LSM14A: variants seen among roughly 807,000 people sequenced by gnomAD.
LSM14A encodes protein LSM14 homolog A.
A neutral mutation model predicts 52.4 loss-of-function variants in LSM14A; 14 were observed. The ratio of observed to expected loss-of-function variants is 0.27; its 90% CI spans 0.18 to 0.42. The LOEUF (loss-of-function observed/expected upper bound fraction) is 0.42, where lower values mean the gene tolerates loss of function less well. Among genes scored for constraint, LSM14A ranks in the 10% least tolerant of loss-of-function variants. The pLI, the probability that LSM14A is intolerant of heterozygous loss-of-function variation, is 1.00. For synonymous variants in LSM14A, 185 were observed against 200.3 expected, an observed-to-expected ratio of 0.92 and a Z score of 0.64; for missense variants, 417 against 581.8, an observed-to-expected ratio of 0.72 and a Z score of 2.91.
intron 3 of LSM14A, among the ~76,000 whole-genome samples, chr19:34,198,925 T>C (rs1312029313): frequency 6.6e-6 from 1 of 151,660 alleles, no homozygotes; most frequent in Admixed American, 6.6e-5. Context: ...AGGCGGAGCT[T>C]GCGGTGAGCC....
intron 1 of LSM14A, among the ~76,000 whole-genome samples, chr19:34,177,660 G>A (rs554344601): frequency 1.2e-4 from 19 of 152,212 alleles, no homozygotes; most frequent in East Asian, 5.8e-4. Context: ...GGTCAAGGCC[G>A]GGGTATTGCT....
At chr19:34,211,603 G>A (rs768286729) in intron 4 of LSM14A, among the ~76,000 whole-genome samples, 4 of 152,030 alleles carry the variant, frequency 2.6e-5, no homozygotes, top group Admixed American at 2.0e-4. Flanking sequence ...CCTGAGCAAC[G>A]TAGTGAAACT....
At chr19:34,209,807 G>A (rs1031270998) in intron 4 of LSM14A, among the ~76,000 whole-genome samples, 3 of 151,298 alleles carry the variant, frequency 2.0e-5, no homozygotes, top group Non-Finnish European at 4.4e-5. Context: ...CAAAGTGTTG[G>A]GATGTTGGGA....
chr19:34,199,049 G>A (rs2071092397), intron 3 of LSM14A, among the ~76,000 whole-genome samples: 2 of 152,140 alleles, frequency 1.3e-5, no homozygotes, highest in Non-Finnish European at 2.9e-5. Flanking sequence ...TACACTCTTA[G>A]TAGGATATAT....
At chr19:34,196,592 GT>G in intron 2 of LSM14A, 41 bp from the exon 3 acceptor site, 1 of 1,533,946 alleles carries the variant, frequency 6.5e-7, no homozygotes, top group Non-Finnish European at 8.7e-7. Context: ...TTATATACAT[GT>G]TGCTTAGAGC....
intron 4 of LSM14A, among the ~76,000 whole-genome samples, chr19:34,214,899 A>G (rs1269635154): frequency 6.6e-6 from 1 of 151,488 alleles, no homozygotes; most frequent in South Asian, 2.1e-4. Flanking sequence ...GTTGTTTTGA[A>G]GCTGTTGAAG....
At chr19:34,186,323 A>C (rs2069906030) in intron 1 of LSM14A, among the ~76,000 whole-genome samples, 3 of 152,186 alleles carry the variant, frequency 2.0e-5, no homozygotes, top group South Asian at 4.1e-4. Context: ...TATTTGATCA[A>C]ATATTTTCGA....
rs749012022 is a variant in LSM14A at position 34,221,520 on chromosome 19, A to G, written c.1150A>G (p.Thr384Ala). Residue 384 changes from threonine (T) to alanine (A), a missense_variant, in exon 9 of 10, where the codon ACC (threonine) becomes GCC (alanine). Physicochemically the swap from Thr to Ala is moderately conservative, Grantham distance 58. Coordinates refer to ENST00000544216, the MANE Select transcript of LSM14A (RefSeq NM_015578.4). Reference sequence around the variant, plus strand: ...CTTTTATAATAGAGAACGGAGACCAACCTGGGCTGAAGAAAGAAGATTAAA... The same window carrying G: ...CTTTTATAATAGAGAACGGAGACCAGCCTGGGCTGAAGAAAGAAGATTAAA... ...SCDDNRERRP[T>A]WAEERRLNAE... The G allele has an allele frequency of 6.2e-7, 1 of 1,613,716 alleles. No individual in the cohort carries two copies. Among genetic ancestry groups the G allele is most frequent in the South Asian group, 1.1e-5 (1 of 91,048 alleles).
At chr19:34,224,606 T>G (rs1487373272) in intron 9 of LSM14A, among the ~76,000 whole-genome samples, 1 of 152,202 alleles carries the variant, frequency 6.6e-6, no homozygotes, top group Non-Finnish European at 1.5e-5. Context: ...GCCCAGTGTT[T>G]AGGAGGCTCA....
intron 3 of LSM14A, among the ~76,000 whole-genome samples, chr19:34,205,870 T>C (rs112909337): frequency 0.021 from 3,129 of 152,202 alleles, 60 homozygotes; most frequent in Non-Finnish European, 0.031. Context: ...ATTTTTATTT[T>C]ATAAGATTGA....
chr19:34,199,986 TG>T (rs1213942254), intron 3 of LSM14A, among the ~76,000 whole-genome samples: 5 of 152,222 alleles, frequency 3.3e-5, no homozygotes, highest in African/African-American at 1.2e-4. Context: ...AGACATCTGG[TG>T]GTTACCAACT....
intron 8 of LSM14A, among the ~76,000 whole-genome samples, chr19:34,220,849 G>A (rs950144964): frequency 2.0e-5 from 3 of 152,090 alleles, no homozygotes; most frequent in East Asian, 1.9e-4. Flanking sequence ...CCAAGACAAG[G>A]CCTCCCTGTC....
intron 9 of LSM14A, chr19:34,226,268 G>C: frequency 2.3e-6 from 2 of 851,988 alleles, no homozygotes; most frequent in South Asian, 1.8e-5. Context: ...TGTTTCCTCA[G>C]ATGGGGTTCA....
In LSM14A at chr19:34,227,790, T is replaced by TTTG. The variant is rs369374116; in HGVS notation, c.*403_*404insTGT. ...ATACTGTGTTTTGAGCCACAGAAGG[T>TTTG]TGTGTGTGTGTGTGTGTGTGTGTGT... On this transcript the variant is annotated 3_prime_UTR_variant, in exon 10 of 10. Transcript: ENST00000544216. The TTTG allele has an allele frequency of 5.2e-5, 8 of 152,446 alleles. No homozygotes were observed. Among genetic ancestry groups the TTTG allele is most frequent in the Admixed American group, 1.5e-4 (2 of 13,634 alleles). 9.4% of individuals were successfully genotyped at this position (152,446 alleles called of 1,614,324 possible).
intron 3 of LSM14A, 120 bp from the exon 4 acceptor site, chr19:34,208,809 A>T: frequency 1.5e-6 from 1 of 680,670 alleles, no homozygotes; most frequent in Admixed American, 3.1e-5. Context: ...ATTAATTTGT[A>T]CAGATGCTGG....
At chr19:34,190,921 C>T (rs2070327812) in intron 1 of LSM14A, among the ~76,000 whole-genome samples, 1 of 151,706 alleles carries the variant, frequency 6.6e-6, no homozygotes, top group Non-Finnish European at 1.5e-5. Context: ...ACAGTGAAAG[C>T]TTTTGATGAA....
intron 1 of LSM14A, among the ~76,000 whole-genome samples, chr19:34,187,403 CAAGT>C (rs952104846): frequency 6.6e-6 from 1 of 152,038 alleles, no homozygotes; most frequent in African/African-American, 2.4e-5. Flanking sequence ...CTCAGCCTCC[CAAGT>C]AGCTGGGATT....
intron 4 of LSM14A, among the ~76,000 whole-genome samples, chr19:34,214,621 A>G (rs976121985): frequency 2.4e-4 from 37 of 152,158 alleles, no homozygotes; most frequent in Admixed American, 6.5e-5. Context: ...TTACTTTCTT[A>G]TAATAGAAAT....
At chr19:34,194,947 A>G (rs1295921966) in intron 2 of LSM14A, among the ~76,000 whole-genome samples, 3 of 152,136 alleles carry the variant, frequency 2.0e-5, no homozygotes, top group African/African-American at 7.2e-5. Flanking sequence ...GGTTGGTACT[A>G]TAATTATTCT....
Sources: allele counts gnomAD v4.1 joint callset (sites outside exome capture counted in the v4.1 genomes callset), GRCh38; gene constraint gnomAD v4.1.1; transcripts MANE v1.5; gene names NCBI Gene and HGNC (gene_info 2026-07-23, HGNC 2026-07-21).